Variants in ABR observed in about 807,000 individuals in gnomAD.
The protein encoded by ABR is ABR activator of RhoGEF and GTPase, also known as active breakpoint cluster region-related protein.
Under a neutral mutation model 107.2 loss-of-function variants are expected in ABR, and 35 were observed. The ratio of observed to expected loss-of-function variants is 0.33; its 90% CI spans 0.25 to 0.43. The LOEUF is 0.43. Among genes scored for constraint, ABR ranks in the 20% least tolerant of loss-of-function variants. The probability of loss-of-function intolerance (pLI) is 1.00; values close to 1 mark genes in which losing one functional copy is unlikely to be tolerated. For synonymous variants in ABR, 498 were observed against 462.0 expected, an observed-to-expected ratio of 1.08 and a Z score of -1.00; for missense variants, 815 against 1,115.2, an observed-to-expected ratio of 0.73 and a Z score of 3.83.
chr17:1,003,734 C>T lies in ABR; in HGVS notation c.*2346G>A, dbSNP rs183914715. 7 of 152,564 alleles carry T rather than the reference C, an allele frequency of 4.6e-5. No homozygotes were observed. The highest frequency in any genetic ancestry group is 3.3e-4 in the Admixed American group (5 of 15,310). The allele number at this position is 152,564 out of a possible 1,614,324, so 9.5% of individuals were successfully genotyped here. ...GCCATCAGCCATTGCCCAGCAAGAA[C>T]AGGCAGACCTGGCGTTTCTTAGCCT... On this transcript the variant is annotated 3_prime_UTR_variant, in exon 23 of 23. Transcript: ENST00000302538.
chr17:1,064,531 AG>A (rs2034466761), intron 10 of ABR, among the ~76,000 whole-genome samples: 12 of 126,800 alleles, frequency 9.5e-5, no homozygotes, highest in Non-Finnish European at 2.1e-4. Context: ...ATGTTCCTCT[AG>A]ACACTGTTGT....
chr17:1,079,488 G>GTGTA (rs2036035741), intron 5 of ABR, 98 bp from the exon 6 acceptor site: 5 of 1,155,624 alleles, frequency 4.3e-6, no homozygotes, highest in Non-Finnish European at 6.4e-6. Context: ...GAAACTCAGG[G>GTGTA]TGTACATATG....
chr17:1,117,053 A>G, intron 2 of ABR, among the ~76,000 whole-genome samples: 1 of 152,176 alleles, frequency 6.6e-6, no homozygotes, highest in Non-Finnish European at 1.5e-5. Flanking sequence ...AAGCCTTCTG[A>G]AGAGACCAAG....
intron 16 of ABR, among the ~76,000 whole-genome samples, chr17:1,035,846 C>T (rs909714257): frequency 2.7e-5 from 4 of 150,472 alleles, no homozygotes; most frequent in South Asian, 4.2e-4. Context: ...GGTGGGACCC[C>T]GCATTACACC....
intron 3 of ABR, among the ~76,000 whole-genome samples, chr17:1,099,475 G>A (rs959930048): frequency 3.9e-5 from 6 of 152,184 alleles, no homozygotes; most frequent in Non-Finnish European, 5.9e-5. Flanking sequence ...AACACCTCAC[G>A]TCATGGCAAG....
chr17:1,161,907 A>AC (rs2041313670), intron 1 of ABR, among the ~76,000 whole-genome samples: 1 of 151,904 alleles, frequency 6.6e-6, no homozygotes, highest in Non-Finnish European at 1.5e-5. Context: ...GTCCTCTCCC[A>AC]CCCGCTACAC....
At chr17:1,031,564 C>T in intron 16 of ABR, 2 of 1,124,032 alleles carry the variant, frequency 1.8e-6, no homozygotes, top group East Asian at 3.3e-5. Flanking sequence ...CCCCCGAGCC[C>T]CCACCCCCCG....
At chr17:1,181,572 C>T (rs573893094), upstream of ABR, among the ~76,000 whole-genome samples, 34 of 152,332 alleles carry the variant, frequency 2.2e-4, no homozygotes, top group African/African-American at 7.5e-4. Context: ...GCCAAGCAGG[C>T]ACCTGGAGCT....
intron 1 of ABR, among the ~76,000 whole-genome samples, chr17:1,209,778 A>G (rs8070323): frequency 0.49 from 74,700 of 152,120 alleles, 21,444 homozygotes; most frequent in Non-Finnish European, 0.67. Flanking sequence ...ATATACATAG[A>G]TAATTATACT....
rs1183954852 is a variant in ABR, at chr17:1,154,941, T to A, written c.61+24726A>T. Reference sequence around the variant, plus strand: ...GCGGGGCCTCAGCACAAACAGGGCCTGCTCTGGGACCGTGCCTCCTGCCAG... The same window carrying A: ...GCGGGGCCTCAGCACAAACAGGGCCAGCTCTGGGACCGTGCCTCCTGCCAG... On this transcript the variant is annotated intron_variant, in intron 1 of 22. Transcript: ENST00000302538. This position sits in a 1 kb window ranked among gnomAD's most constrained non-coding sequence, Gnocchi z 4.0. 6.6e-6 allele frequency: 1 copy of A among 152,114 alleles called. No individual in the cohort carries two copies. Among genetic ancestry groups the A allele is most frequent in the Non-Finnish European group, 1.5e-5 (1 of 68,048 alleles). 9.4% of individuals were successfully genotyped at this position (152,114 alleles called of 1,614,324 possible). A position where few individuals can be genotyped will look rare whatever the true frequency, so the allele number is the denominator to read the frequency against.
chr17:1,085,610 G>C (rs968337567), intron 4 of ABR, among the ~76,000 whole-genome samples: 24 of 152,142 alleles, frequency 1.6e-4, no homozygotes, highest in African/African-American at 5.8e-4. Context: ...GTATCGTTCA[G>C]TGCAGTCGCC....
intron 5 of ABR, among the ~76,000 whole-genome samples, chr17:1,082,931 C>CT (rs1477413684): frequency 6.6e-6 from 1 of 152,034 alleles, no homozygotes; most frequent in Non-Finnish European, 1.5e-5. Context: ...CGAGACCAGC[C>CT]TGGCCAACAC....
At chr17:1,205,433 G>A (rs1167422517) in intron 1 of ABR, among the ~76,000 whole-genome samples, 1 of 152,202 alleles carries the variant, frequency 6.6e-6, no homozygotes, top group Non-Finnish European at 1.5e-5. Context: ...TCCTTCTGGA[G>A]AGAGGAGTGG....
intron 3 of ABR, among the ~76,000 whole-genome samples, chr17:1,093,459 ACT>A (rs1375685864): frequency 6.6e-6 from 1 of 151,936 alleles, no homozygotes; most frequent in Non-Finnish European, 1.5e-5. Flanking sequence ...ACAGAGCCAG[ACT>A]CTGTCTCCAA....
Position 1,005,979 on chromosome 17 carries a change from G to T in ABR, c.*101C>A. On this transcript the variant is annotated 3_prime_UTR_variant, in exon 23 of 23. Coordinates refer to ENST00000302538, the MANE Select transcript of ABR (RefSeq NM_021962.5). ...AGCTGGCTTCCCTCGAGTCTGGAGTGCTGGGTTTGGGAGTTTTCTATTGCA... is the reference window on the plus strand; with the variant it reads ...AGCTGGCTTCCCTCGAGTCTGGAGTTCTGGGTTTGGGAGTTTTCTATTGCA... 1 of 1,099,978 alleles carries T rather than the reference G, an allele frequency of 9.1e-7. No individual in the cohort carries two copies. The highest frequency in any genetic ancestry group is 1.4e-5 in the South Asian group (1 of 73,620). 68.1% of individuals were successfully genotyped at this position (1,099,978 alleles called of 1,614,324 possible).
At chr17:1,025,438 C>T (rs561366867) in intron 16 of ABR, among the ~76,000 whole-genome samples, 12 of 152,326 alleles carry the variant, frequency 7.9e-5, no homozygotes, top group East Asian at 1.9e-4. Context: ...CAAAACATAT[C>T]GTCACAGAAC....
At chr17:1,110,398 T>A in intron 2 of ABR, among the ~76,000 whole-genome samples, 1 of 151,978 alleles carries the variant, frequency 6.6e-6, no homozygotes, top group Admixed American at 6.6e-5. Flanking sequence ...GCGAGCCAGG[T>A]AGGGCAGGGT....
chr17:1,205,447 C>T (rs996654064), intron 1 of ABR, among the ~76,000 whole-genome samples: 2 of 151,970 alleles, frequency 1.3e-5, no homozygotes, highest in African/African-American at 2.4e-5. Flanking sequence ...GGAGTGGGGT[C>T]GGGGGGAGAG....
chr17:1,167,348 C>T (rs990319605), intron 1 of ABR, among the ~76,000 whole-genome samples: 5 of 146,544 alleles, frequency 3.4e-5, no homozygotes, highest in Non-Finnish European at 7.4e-5. Flanking sequence ...CCACCCCCAA[C>T]TCCAACCAAT....
Sources: gnomAD v4.1 joint callset for allele counts (sites outside exome capture counted in the v4.1 genomes callset) on GRCh38, gnomAD v4.1.1 for gene constraint, Gnocchi (gnomAD v3.1) non-coding constraint, MANE v1.5 for transcripts, NCBI Gene and HGNC (gene_info 2026-07-23, HGNC 2026-07-21) for gene names.